Variants in ANO3 observed in about 807,000 individuals in gnomAD.
The protein encoded by ANO3 is anoctamin 3, also known as anoctamin-3.
ANO3 carries 99 observed loss-of-function variants against 144.8 expected under a neutral mutation model. That is an observed-to-expected ratio of 0.68 (90% CI 0.58 to 0.81). The LOEUF (loss-of-function observed/expected upper bound fraction) is 0.81, where lower values mean the gene tolerates loss of function less well. Among genes scored for constraint, ANO3 ranks in the 30% least tolerant of loss-of-function variants. ANO3 has a pLI of 0.00. For missense variants in ANO3, 905 were observed against 1,202.2 expected, an observed-to-expected ratio of 0.75 and a Z score of 3.66; for synonymous variants, 414 against 392.6, an observed-to-expected ratio of 1.05 and a Z score of -0.64.
At chr11:26,542,364 A>C (rs1434044608) in intron 11 of ANO3, among the ~76,000 whole-genome samples, 1 of 152,024 alleles carries the variant, frequency 6.6e-6, no homozygotes, top group African/African-American at 2.4e-5. Flanking sequence ...AGAGCCCAAT[A>C]CTTATGTACC....
chr11:26,559,808 C>T, intron 14 of ANO3, 29 bp downstream of exon 14: 1 of 1,371,292 alleles, frequency 7.3e-7, no homozygotes, highest in Non-Finnish European at 1.0e-6. Context: ...ACTTTCTATC[C>T]CTTATTTTCT....
At chr11:26,491,508 C>A (rs751798227) in intron 4 of ANO3, among the ~76,000 whole-genome samples, 19 of 152,182 alleles carry the variant, frequency 1.2e-4, no homozygotes, top group Non-Finnish European at 2.5e-4. Flanking sequence ...GTACAATCTG[C>A]CTCTGAGCAA....
At chr11:26,516,241 T>C (rs1405998340) in intron 5 of ANO3, among the ~76,000 whole-genome samples, 2 of 151,698 alleles carry the variant, frequency 1.3e-5, no homozygotes, top group Admixed American at 6.6e-5. Context: ...AAAGACACTT[T>C]AGTTCTTATT....
At chr11:26,491,566 G>A (rs752516669) in intron 4 of ANO3, among the ~76,000 whole-genome samples, 15 of 152,148 alleles carry the variant, frequency 9.9e-5, no homozygotes, top group Non-Finnish European at 1.6e-4. Flanking sequence ...CAGAAGCAGC[G>A]TGTTAGAGGG....
chr11:26,633,204 A>G (rs1852841693), intron 18 of ANO3, among the ~76,000 whole-genome samples: 2 of 152,204 alleles, frequency 1.3e-5, no homozygotes, highest in Admixed American at 6.5e-5. Context: ...TCTATTTTCT[A>G]TCACTCATTT....
At position 26,401,879 on chromosome 11, in the gene ANO3, C is replaced by T. The variant is rs112301566; in HGVS notation, c.47-40039C>T. ...CCCAGACGATTCCACATTGTAGAAT[C>T]TGGTACTTTCAATTTCTTGCTGTTC... On this transcript the variant is annotated intron_variant, in intron 1 of 26. Transcript: ENST00000256737. Among the ~76,000 whole-genome samples the T allele has an allele frequency of 1.5e-3, 228 of 152,092 alleles. 2 individuals carry two copies. The highest frequency in any genetic ancestry group is 4.2e-3 in the African/African-American group (175 of 41,516).
chr11:26,347,645 G>A (rs544984021), intron 1 of ANO3, among the ~76,000 whole-genome samples: 14 of 152,122 alleles, frequency 9.2e-5, no homozygotes, highest in Admixed American at 4.6e-4. Flanking sequence ...CACATGGCCC[G>A]TCCTTATTAA....
intron 1 of ANO3, among the ~76,000 whole-genome samples, chr11:26,248,834 G>A (rs1590215240): frequency 1.3e-5 from 2 of 152,210 alleles, no homozygotes; most frequent in East Asian, 3.9e-4. Flanking sequence ...GGAGGTGAGC[G>A]GCAGATGAGC....
At chr11:26,536,246 G>C (rs990358454) in intron 9 of ANO3, among the ~76,000 whole-genome samples, 1 of 151,118 alleles carries the variant, frequency 6.6e-6, no homozygotes, top group Admixed American at 6.6e-5. Context: ...TTGAACCCGG[G>C]AAGTGAAGGT....
chr11:26,544,111 A>G (rs1443660721), intron 11 of ANO3, among the ~76,000 whole-genome samples: 1 of 151,032 alleles, frequency 6.6e-6, no homozygotes, highest in Non-Finnish European at 1.5e-5. Flanking sequence ...TGAAGTTAGG[A>G]TTTGCGAGCA....
At chr11:26,556,315 G>GTTAAAA (rs903067401) in intron 13 of ANO3, among the ~76,000 whole-genome samples, 1 of 151,932 alleles carries the variant, frequency 6.6e-6, no homozygotes, top group Non-Finnish European at 1.5e-5. Flanking sequence ...ACCCCTTGAA[G>GTTAAAA]TTAAGTCTTA....
intron 5 of ANO3, among the ~76,000 whole-genome samples, chr11:26,516,378 A>G (rs1418573129): frequency 6.6e-6 from 1 of 151,762 alleles, no homozygotes; most frequent in African/African-American, 2.4e-5. Context: ...CCAAGCACAT[A>G]GTTTGAGGAC....
At chr11:26,313,460 G>A (rs1854547532) in intron 1 of ANO3, among the ~76,000 whole-genome samples, 2 of 152,148 alleles carry the variant, frequency 1.3e-5, no homozygotes, top group Admixed American at 6.6e-5. Flanking sequence ...GCTGAGGCAG[G>A]TGGATCATGA....
At chr11:26,392,239 C>CTTTT (rs33986969) in intron 1 of ANO3, among the ~76,000 whole-genome samples, 117 of 130,632 alleles carry the variant, frequency 9.0e-4, no homozygotes, top group African/African-American at 2.5e-3. Flanking sequence ...GAATTCCTGC[C>CTTTT]TTTTTTTTTT....
intron 1 of ANO3, among the ~76,000 whole-genome samples, chr11:26,254,345 G>T (rs553024584): frequency 6.6e-6 from 1 of 152,122 alleles, no homozygotes; most frequent in South Asian, 2.1e-4. Context: ...GGTAAATGAA[G>T]ATACAAAAAA....
At chr11:26,440,757 T>A (rs1858482012) in intron 1 of ANO3, among the ~76,000 whole-genome samples, 1 of 151,916 alleles carries the variant, frequency 6.6e-6, no homozygotes, top group African/African-American at 2.4e-5. Context: ...CACAGAAAAA[T>A]CTAAGGAGGA....
chr11:26,431,112 G>A (rs1412326072), intron 1 of ANO3, among the ~76,000 whole-genome samples: 2 of 152,170 alleles, frequency 1.3e-5, no homozygotes, highest in Non-Finnish European at 1.5e-5. Flanking sequence ...GATGACTGAG[G>A]AACTGAATTT....
intron 11 of ANO3, among the ~76,000 whole-genome samples, chr11:26,545,434 G>A (rs567882387): frequency 4.4e-4 from 67 of 151,996 alleles, no homozygotes; most frequent in African/African-American, 1.5e-3. Context: ...TGTAGCTAAG[G>A]CCTATTTTAG....
At chr11:26,599,294 T>A (rs1288744408) in intron 16 of ANO3, among the ~76,000 whole-genome samples, 2 of 152,190 alleles carry the variant, frequency 1.3e-5, no homozygotes, top group Non-Finnish European at 2.9e-5. Context: ...AAAATGAGCA[T>A]TCCATTTAAG....
Sources: allele counts gnomAD v4.1 joint callset (sites outside exome capture counted in the v4.1 genomes callset), GRCh38; gene constraint gnomAD v4.1.1; transcripts MANE v1.5; gene names NCBI Gene and HGNC (gene_info 2026-07-23, HGNC 2026-07-21).